The following TRAFD1 variants were observed in gnomAD, a reference collection of about 807,000 sequenced individuals.
The protein encoded by TRAFD1 is TRAF-type zinc finger domain containing 1, also known as TRAF-type zinc finger domain-containing protein 1.
A neutral mutation model predicts 65.3 loss-of-function variants in TRAFD1; 38 were observed. That is an observed-to-expected ratio of 0.58 (90% CI 0.45 to 0.76). The LOEUF (loss-of-function observed/expected upper bound fraction) is 0.76. Among genes scored for constraint, TRAFD1 ranks in the 30% least tolerant of loss-of-function variants. TRAFD1 has a pLI of 0.00. For missense variants in TRAFD1, 631 were observed against 712.6 expected (o/e 0.89, Z 1.30); for synonymous variants, 223 against 257.2 (o/e 0.87, Z 1.27).
At position 112,149,763 on chromosome 12, in the gene TRAFD1, C is replaced by G; in HGVS notation, c.1171C>G (p.Gln391Glu). 1 of 1,614,088 alleles carries G rather than the reference C, an allele frequency of 6.2e-7. No individual in the cohort carries two copies. Among genetic ancestry groups the G allele is most frequent in the Non-Finnish European group, 8.5e-7 (1 of 1,179,988 alleles). The change falls in exon 9 of 12, where the codon CAA (glutamine) becomes GAA (glutamate). Residue 391 changes from glutamine (Q) to glutamate (E), a missense_variant. Physicochemically the swap from Gln to Glu is conservative, Grantham distance 29 (BLOSUM62 2). Coordinates refer to ENST00000412615, the MANE Select transcript of TRAFD1 (RefSeq NM_006700.3). ...TTTTCTTGTTTAGGACCAGTGTGAC[C>G]AACGCCCAGCCACTGCAACCAACCA... ...VLFHHQDQCD[Q>E]RPATATNHVT... is the part of the protein sequence containing the mutation.
rs1423319142 is a variant in TRAFD1 at position 112,148,196 on chromosome 12, A to G, written c.1050A>G (p.Leu350=). The G allele has an allele frequency of 1.2e-6, 2 of 1,614,188 alleles. No homozygotes were observed. Among genetic ancestry groups the G allele is most frequent in the South Asian group, 2.2e-5 (2 of 91,082 alleles). ...TGCAACAGGCTGCAAGTAACCAGTTAGACTCTTTGATGGGCCTGAGCAATT... is the reference window on the plus strand; with the variant it reads ...TGCAACAGGCTGCAAGTAACCAGTTGGACTCTTTGATGGGCCTGAGCAATT... ...NFLQQAASNQ[L]DSLMGLSNSH... is the part of the protein sequence containing the mutation. Residue 350 remains leucine (L), a synonymous_variant, in exon 8 of 12, where the codon TTA becomes TTG. Coordinates refer to ENST00000412615, the MANE Select transcript of TRAFD1 (RefSeq NM_006700.3).
chr12:112,127,661 CTTTTTTGT>C (rs1221289090), intron 1 of TRAFD1, among the ~76,000 whole-genome samples: 2 of 148,986 alleles, frequency 1.3e-5, no homozygotes, highest in African/African-American at 2.5e-5. Flanking sequence ...TAATTTTTTG[CTTTTTTGT>C]TTTTTGTTTT....
chr12:112,141,602 T>C, intron 5 of TRAFD1: 1 of 219,498 alleles, frequency 4.6e-6, no homozygotes, highest in Non-Finnish European at 9.1e-6. Flanking sequence ...AGAGCCATAT[T>C]GATGCCCAAA....
intron 6 of TRAFD1, among the ~76,000 whole-genome samples, chr12:112,145,122 A>T (rs530573436): frequency 6.6e-6 from 1 of 152,174 alleles, no homozygotes; most frequent in Admixed American, 6.5e-5. Context: ...AAATGTATCG[A>T]TTTGTTCACT....
chr12:112,146,163 G>A (rs987643029), intron 7 of TRAFD1, among the ~76,000 whole-genome samples: 8 of 114,206 alleles, frequency 7.0e-5, no homozygotes, highest in Non-Finnish European at 1.3e-4. Flanking sequence ...AAAACTTAAA[G>A]TATAATAATA....
At chr12:112,151,396 C>CTT (rs111413952) in intron 9 of TRAFD1, among the ~76,000 whole-genome samples, 2 of 143,530 alleles carry the variant, frequency 1.4e-5, no homozygotes, top group Non-Finnish European at 1.5e-5. Context: ...GAGCAGTTGT[C>CTT]TTTTTTTTTT....
At chr12:112,141,668 T>G (rs945949441) in intron 5 of TRAFD1, among the ~76,000 whole-genome samples, 1 of 152,218 alleles carries the variant, frequency 6.6e-6, no homozygotes, top group African/African-American at 2.4e-5. Context: ...CTTATTTCCC[T>G]TAGGCATTTG....
At chr12:112,146,323 T>G (rs1233099221) in intron 7 of TRAFD1, among the ~76,000 whole-genome samples, 2 of 151,070 alleles carry the variant, frequency 1.3e-5, no homozygotes, top group Non-Finnish European at 2.9e-5. Context: ...GCCCATGAGT[T>G]TAAGGCCAGC....
intron 1 of TRAFD1, among the ~76,000 whole-genome samples, chr12:112,126,660 T>C (rs2079539487): frequency 1.4e-5 from 2 of 141,652 alleles, no homozygotes; most frequent in Non-Finnish European, 3.1e-5. Context: ...AGTGAATATC[T>C]TTTTTTTTTT....
Position 112,142,251 on chromosome 12 carries a change from C to A in TRAFD1, c.806C>A (p.Ala269Asp), listed in dbSNP as rs1296945011. Residue 269 changes from alanine (A) to aspartate (D), a missense_variant, in exon 6 of 12, where the codon GCC (alanine) becomes GAC (aspartate). Transcript: ENST00000412615. ...EQDFWRAVCE[A>D]DQSHGGPRSL... ...GACTTCTGGAGGGCCGTATGTGAGG[C>A]CGACCAGTCTCATGGCGGTCCCAGG... is the stretch of plus-strand genomic sequence containing the variant. 1.2e-6 allele frequency: 2 copies of A among 1,613,798 alleles called. No individual in the cohort carries two copies. The highest frequency in any genetic ancestry group is 1.1e-5 in the South Asian group (1 of 91,062).
Position 112,130,967 on chromosome 12 carries a change from TA to T in TRAFD1, c.47+400del, listed in dbSNP as rs2079564130. On this transcript the variant is annotated intron_variant, in intron 2 of 11. Coordinates refer to ENST00000412615, the MANE Select transcript of TRAFD1 (RefSeq NM_006700.3). The surrounding 1 kb of genome is among the most constrained non-coding windows in gnomAD (Gnocchi z 4.4). ...AACTGTGGTAGAAAGAGATGTGGAATAAGGAAAATAGTTTAACTCATTGGTG... is the reference window on the plus strand; with the variant it reads ...AACTGTGGTAGAAAGAGATGTGGAATAGGAAAATAGTTTAACTCATTGGTG... Among the ~76,000 whole-genome samples the T allele has an allele frequency of 6.6e-6, 1 of 152,232 alleles. No individual in the cohort carries two copies. The highest frequency in any genetic ancestry group is 2.4e-5 in the African/African-American group (1 of 41,456).
rs1016138850 is a variant in TRAFD1, at chr12:112,137,533, C to A, written c.237+2467C>A. Among the ~76,000 whole-genome samples, 2 of 152,024 alleles carry A rather than the reference C, an allele frequency of 1.3e-5. No individual in the cohort carries two copies. Among genetic ancestry groups the A allele is most frequent in the Admixed American group, 6.6e-5 (1 of 15,260 alleles). On this transcript the variant is annotated intron_variant, in intron 4 of 11. Transcript: ENST00000412615. This position sits in a 1 kb window ranked among gnomAD's most constrained non-coding sequence, Gnocchi z 4.2. ...ATCCCAGCACTTTGGGAGGCTGAGG[C>A]GGGCGGATCACGAGGTCAGAAGATT...
chr12:112,142,892 T>C (rs1432744110), intron 6 of TRAFD1, among the ~76,000 whole-genome samples: 1 of 152,042 alleles, frequency 6.6e-6, no homozygotes, highest in African/African-American at 2.4e-5. Flanking sequence ...GAGGAGTATA[T>C]GGGTATTTGC....
chr12:112,138,596 G>A lies in TRAFD1; in HGVS notation c.238-2223G>A, dbSNP rs151223894. ...AAAAATGCTGGGCGTGGTGGCTCAC[G>A]CCTGTAATCCCAGCACTTCGGGAGG... On this transcript the variant is annotated intron_variant, in intron 4 of 11. Transcript: ENST00000412615. Among the ~76,000 whole-genome samples, 354 of 151,598 alleles carry A rather than the reference G, an allele frequency of 2.3e-3. 1 individual carries two copies. In the East Asian group the frequency reaches 0.024, roughly 10 times the overall value.
At chr12:112,127,591 A>G (rs1423711646) in intron 1 of TRAFD1, among the ~76,000 whole-genome samples, 2 of 151,550 alleles carry the variant, frequency 1.3e-5, no homozygotes, top group African/African-American at 4.9e-5. Flanking sequence ...GGACTACCTC[A>G]GCCTCCCACC....
At chr12:112,142,033 T>G (rs2030100925) in intron 5 of TRAFD1, 56 bp from the exon 6 acceptor site, 1 of 1,583,342 alleles carries the variant, frequency 6.3e-7, no homozygotes. Context: ...GGACTTGAGT[T>G]GAGGGTGGTA....
In TRAFD1 at chr12:112,135,051, G is replaced by A; in HGVS notation, c.222G>A (p.Leu74=). Residue 74 remains leucine, a synonymous_variant, in exon 4 of 12, where the codon CTG becomes CTA. Coordinates refer to ENST00000412615, the MANE Select transcript of TRAFD1 (RefSeq NM_006700.3). ...CKCNKKLEKR[L]LKKHEETECP... is the part of the protein sequence containing the mutation. ...GTAACAAGAAGTTGGAGAAGAGGCT[G>A]TTAAAGAAGCATGAGGTTAGTCCAT... is the stretch of plus-strand genomic sequence containing the variant. 6.2e-7 allele frequency: 1 copy of A among 1,614,238 alleles called. No homozygotes were observed.
At chr12:112,133,251 G>A (rs1468617053) in intron 2 of TRAFD1, 1 of 152,196 alleles carries the variant, frequency 6.6e-6, no homozygotes, top group Non-Finnish European at 1.5e-5. Flanking sequence ...CAGCTTTACA[G>A]TGAAGTTTCT....
chr12:112,151,250 A>T (rs2030395896), intron 9 of TRAFD1, among the ~76,000 whole-genome samples: 1 of 151,848 alleles, frequency 6.6e-6, no homozygotes, highest in South Asian at 2.1e-4. Flanking sequence ...AAAAAAAATT[A>T]TTTTTCAAGG....
Sources: allele counts gnomAD v4.1 joint callset (sites outside exome capture counted in the v4.1 genomes callset), GRCh38; gene constraint gnomAD v4.1.1; non-coding constraint Gnocchi (gnomAD v3.1); transcripts MANE v1.5; gene names NCBI Gene and HGNC (gene_info 2026-07-23, HGNC 2026-07-21).